The following GALNT13 variants were observed in gnomAD, a reference collection of about 807,000 sequenced individuals.
The protein encoded by GALNT13 is UDP-GalNAc:polypeptide N-acetylgalactosaminyltransferase 13.
Under a neutral mutation model 64.2 loss-of-function variants are expected in GALNT13, and 28 were observed. That is an observed-to-expected ratio of 0.44 (90% CI 0.32 to 0.60). The LOEUF (loss-of-function observed/expected upper bound fraction) is 0.60. GALNT13 is among the 20% of genes least tolerant of loss of function. The pLI, the probability that GALNT13 is intolerant of heterozygous loss-of-function variation, is 0.05. For synonymous variants in GALNT13, 214 were observed against 224.6 expected, an observed-to-expected ratio of 0.95 and a Z score of 0.42; for missense variants, 577 against 669.8, an observed-to-expected ratio of 0.86 and a Z score of 1.53.
the GALNT13 span, among the ~76,000 whole-genome samples, chr2:153,442,384 C>T: frequency 6.6e-6 from 1 of 152,174 alleles, no homozygotes; most frequent in African/African-American, 2.4e-5. Flanking sequence ...CGATGTACAT[C>T]AGGGATATTT....
At chr2:153,612,458 A>G in the GALNT13 span, among the ~76,000 whole-genome samples, 1 of 152,196 alleles carries the variant, frequency 6.6e-6, no homozygotes, top group Non-Finnish European at 1.5e-5. Context: ...GAGTTCTAAA[A>G]GGAGAATTTG....
At chr2:154,039,925 A>C (rs1441085613) in intron 3 of GALNT13, among the ~76,000 whole-genome samples, 2 of 140,522 alleles carry the variant, frequency 1.4e-5, no homozygotes, top group Non-Finnish European at 3.3e-5. Context: ...AAAAGAAAAA[A>C]GTGTCTATAA....
At chr2:154,259,232 C>A in intron 8 of GALNT13, 94 bp downstream of exon 8, 1 of 740,798 alleles carries the variant, frequency 1.3e-6, no homozygotes. Context: ...ATCATTTTTG[C>A]TGAGTGATGC....
chr2:153,682,323 T>C, the GALNT13 span, among the ~76,000 whole-genome samples: 1 of 151,726 alleles, frequency 6.6e-6, no homozygotes, highest in Non-Finnish European at 1.5e-5. Flanking sequence ...TGTAATATCG[T>C]AGTCGTATTT....
At chr2:153,652,778 T>C in the GALNT13 span, among the ~76,000 whole-genome samples, 1 of 152,158 alleles carries the variant, frequency 6.6e-6, no homozygotes, top group Non-Finnish European at 1.5e-5. Flanking sequence ...TCCTTCACCA[T>C]CTGATGCAGA....
At position 154,179,469 on chromosome 2, in the gene GALNT13, A is replaced by G. The variant is rs1008356574; in HGVS notation, c.311+38964A>G. Among the ~76,000 whole-genome samples the G allele has an allele frequency of 2.6e-5, 4 of 152,152 alleles. No individual in the cohort carries two copies. The East Asian group carries it at 5.8e-4, about 22-fold the overall frequency. ...GATTTAACTTCCTGTTGATTCTCTC[A>G]TACTCATTTTAAAATTAAAAGTATA... On this transcript the variant is annotated intron_variant, in intron 4 of 12. Transcript: ENST00000392825.
At chr2:153,478,589 AGCGGCGCGG>A in the GALNT13 span, 5 of 1,493,388 alleles carry the variant, frequency 3.3e-6, no homozygotes, top group South Asian at 1.3e-5. Context: ...GGGCGCCGCG[AGCGGCGCGG>A]GTCCGAGGGG....
At chr2:153,454,917 T>G in the GALNT13 span, among the ~76,000 whole-genome samples, 1 of 152,226 alleles carries the variant, frequency 6.6e-6, no homozygotes, top group South Asian at 2.1e-4. Flanking sequence ...CATTAAAAGA[T>G]TGATATGTAT....
At chr2:153,302,858 C>T in the GALNT13 span, among the ~76,000 whole-genome samples, 13 of 152,180 alleles carry the variant, frequency 8.5e-5, no homozygotes, top group South Asian at 2.7e-3. Flanking sequence ...ACTGTAAATG[C>T]ATGAGTTTAT....
the GALNT13 span, among the ~76,000 whole-genome samples, chr2:153,657,418 G>T: frequency 6.6e-6 from 1 of 152,046 alleles, no homozygotes; most frequent in South Asian, 2.1e-4. Flanking sequence ...GACAGGCATG[G>T]TACTTAGCAT....
At chr2:153,945,624 GA>G (rs1443026625) in intron 3 of GALNT13, among the ~76,000 whole-genome samples, 1 of 152,024 alleles carries the variant, frequency 6.6e-6, no homozygotes, top group Non-Finnish European at 1.5e-5. Context: ...ATATTTTTGA[GA>G]TATTTATTGA....
intron 3 of GALNT13, among the ~76,000 whole-genome samples, chr2:154,024,811 C>T (rs1373596149): frequency 6.6e-6 from 1 of 151,986 alleles, no homozygotes; most frequent in Non-Finnish European, 1.5e-5. Flanking sequence ...GTTTTTTTCC[C>T]ATCTTTGTGG....
chr2:154,162,587 G>T (rs950398417), intron 4 of GALNT13, among the ~76,000 whole-genome samples: 1 of 152,148 alleles, frequency 6.6e-6, no homozygotes, highest in Non-Finnish European at 1.5e-5. Flanking sequence ...ATGAGATGGG[G>T]GTAGACAGAG....
chr2:153,742,594 T>G, the GALNT13 span, among the ~76,000 whole-genome samples: 1 of 152,202 alleles, frequency 6.6e-6, no homozygotes, highest in East Asian at 1.9e-4. Context: ...TTCCCCTTTT[T>G]CAGTTCCCCA....
the GALNT13 span, among the ~76,000 whole-genome samples, chr2:153,343,820 C>T: frequency 6.6e-6 from 1 of 152,020 alleles, no homozygotes; most frequent in Admixed American, 6.6e-5. Flanking sequence ...TAAGTGAAAT[C>T]TAAGAAATCA....
chr2:153,286,318 T>C, the GALNT13 span, among the ~76,000 whole-genome samples: 2 of 152,084 alleles, frequency 1.3e-5, no homozygotes, highest in East Asian at 3.8e-4. Flanking sequence ...AATTCTCTTA[T>C]GAAAAAGTGA....
chr2:153,573,221 T>C, the GALNT13 span, among the ~76,000 whole-genome samples: 8 of 152,054 alleles, frequency 5.3e-5, no homozygotes, highest in South Asian at 2.1e-4. Flanking sequence ...CTTATAGTTT[T>C]TGTCTTGGAA....
intron 3 of GALNT13, among the ~76,000 whole-genome samples, chr2:154,023,358 T>C (rs957814881): frequency 2.0e-5 from 3 of 152,232 alleles, no homozygotes; most frequent in African/African-American, 7.2e-5. Context: ...AGGACTTGCT[T>C]TATGAATCTG....
At chr2:153,609,776 CT>C in the GALNT13 span, among the ~76,000 whole-genome samples, 1 of 152,116 alleles carries the variant, frequency 6.6e-6, no homozygotes, top group Admixed American at 6.6e-5. Context: ...TCACATAGCC[CT>C]AATCCAAACA....
Sources: gnomAD v4.1 joint callset for allele counts (sites outside exome capture counted in the v4.1 genomes callset) on GRCh38, gnomAD v4.1.1 for gene constraint, MANE v1.5 for transcripts, NCBI Gene and HGNC (gene_info 2026-07-23, HGNC 2026-07-21) for gene names.